HELB: variants seen among roughly 807,000 people sequenced by gnomAD.
The protein encoded by HELB is DNA helicase B.
A neutral mutation model predicts 101.7 loss-of-function variants in HELB; 96 were observed. That is an observed-to-expected ratio of 0.94 (90% CI 0.80 to 1.12). The LOEUF (loss-of-function observed/expected upper bound fraction) is 1.12. Ranked by LOEUF, HELB falls within the 50% of genes most tolerant of loss-of-function variation. HELB has a pLI of 0.00. For synonymous variants in HELB, 437 were observed against 459.7 expected, an observed-to-expected ratio of 0.95 and a Z score of 0.63; for missense variants, 1,210 against 1,291.9, an observed-to-expected ratio of 0.94 and a Z score of 0.97.
chr12:66,318,016 A>G (rs911498385), intron 6 of HELB, among the ~76,000 whole-genome samples: 4 of 152,230 alleles, frequency 2.6e-5, no homozygotes, highest in Non-Finnish European at 5.9e-5. Flanking sequence ...TAAGAATGAA[A>G]GAAGGATGAG....
intron 11 of HELB, among the ~76,000 whole-genome samples, chr12:66,328,081 G>A (rs183851791): frequency 2.6e-5 from 4 of 152,256 alleles, no homozygotes; most frequent in African/African-American, 9.6e-5. Flanking sequence ...GCCACTGTGG[G>A]AGACTGACAG....
chr12:66,335,893 G>C (rs1440030674), intron 12 of HELB, among the ~76,000 whole-genome samples: 1 of 152,146 alleles, frequency 6.6e-6, no homozygotes, highest in Non-Finnish European at 1.5e-5. Flanking sequence ...TTATAATCCA[G>C]CTCAGTTTCT....
intron 6 of HELB, among the ~76,000 whole-genome samples, chr12:66,317,696 G>T (rs2053624693): frequency 1.3e-5 from 2 of 152,122 alleles, no homozygotes; most frequent in Admixed American, 1.3e-4. Context: ...GACTATGAAG[G>T]ATCCCTGCTA....
intron 4 of HELB, among the ~76,000 whole-genome samples, chr12:66,313,206 AATTAG>A (rs1313040006): frequency 1.6e-4 from 24 of 152,114 alleles, no homozygotes; most frequent in African/African-American, 5.5e-4. Context: ...TTAGTAGAAA[AATTAG>A]ATGAAGATGT....
intron 1 of HELB, among the ~76,000 whole-genome samples, chr12:66,304,079 A>C (rs1431387625): frequency 6.6e-6 from 1 of 152,266 alleles, no homozygotes; most frequent in Non-Finnish European, 1.5e-5. Context: ...GTCATTCTAA[A>C]GTATCATCAA....
intron 11 of HELB, 62 bp downstream of exon 11, chr12:66,325,188 G>A: frequency 1.6e-6 from 2 of 1,218,390 alleles, no homozygotes; most frequent in Middle Eastern, 2.2e-4. Context: ...GCCTTGCATT[G>A]TTTTCGTAAA....
At chr12:66,315,506 C>T in intron 6 of HELB, 123 bp downstream of exon 6, 2 of 599,596 alleles carry the variant, frequency 3.3e-6, no homozygotes, top group East Asian at 6.6e-5. Context: ...CTCTTCCATC[C>T]TTCAACTATA....
At chr12:66,315,196 T>G in intron 5 of HELB, 46 bp from the exon 6 acceptor site, 1 of 1,412,316 alleles carries the variant, frequency 7.1e-7, no homozygotes, top group East Asian at 2.5e-5. Context: ...CTTGGGGGTA[T>G]TTTTTCTCAG....
chr12:66,327,414 T>A (rs1164032734), intron 11 of HELB, among the ~76,000 whole-genome samples: 2 of 152,168 alleles, frequency 1.3e-5, no homozygotes, highest in East Asian at 1.9e-4. Flanking sequence ...CCTAAATTTC[T>A]TATCAAACTG....
intron 11 of HELB, among the ~76,000 whole-genome samples, chr12:66,327,409 A>G (rs2053754626): frequency 6.6e-6 from 1 of 152,036 alleles, no homozygotes; most frequent in African/African-American, 2.4e-5. Flanking sequence ...AGTTACCTAA[A>G]TTTCTTATCA....
intron 7 of HELB, chr12:66,321,713 A>G (rs1234846461): frequency 2.4e-6 from 1 of 424,610 alleles, no homozygotes; most frequent in African/African-American, 2.1e-5. Context: ...TGTCCTGGCC[A>G]GGGGTTGACC....
chr12:66,309,919 G>A lies in HELB; in HGVS notation c.991G>A (p.Ala331Thr), dbSNP rs1346255629. The change falls in exon 4 of 13, where the codon GCT (alanine) becomes ACT (threonine). Residue 331 changes from alanine (A) to threonine (T), a missense_variant. By Grantham distance (58) the Ala-to-Thr change is moderately conservative. Around this residue, in one of 2 missense-constraint regions of HELB, gnomAD observed 470 missense variants for 563.1 expected, o/e 0.83. Transcript: ENST00000247815. ...GTCAAATCATATGTCATTTCATGCT[G>A]CTTCAGAGTCTCTGAAGTTTTTGAA... ...TLSNHMSFHA[A>T]SESLKFLKDI... The A allele has an allele frequency of 1.2e-6, 2 of 1,613,906 alleles. No individual in the cohort carries two copies. Among genetic ancestry groups the A allele is most frequent in the African/African-American group, 2.7e-5 (2 of 74,932 alleles).
intron 3 of HELB, among the ~76,000 whole-genome samples, chr12:66,307,787 A>G (rs1483077910): frequency 1.3e-5 from 2 of 150,234 alleles, no homozygotes; most frequent in African/African-American, 4.9e-5. Flanking sequence ...CCTGGAGTGC[A>G]ATGGTGTGAG....
At chr12:66,314,882 GT>G (rs1174537603) in intron 5 of HELB, among the ~76,000 whole-genome samples, 1 of 151,868 alleles carries the variant, frequency 6.6e-6, no homozygotes, top group African/African-American at 2.4e-5. Flanking sequence ...TTATTTATTT[GT>G]TTTATATTTT....
At chr12:66,340,616 G>A (rs1197249197), downstream of HELB, 2 of 183,212 alleles carry the variant, frequency 1.1e-5, no homozygotes, top group Non-Finnish European at 2.2e-5. Flanking sequence ...ATGTGGGGGG[G>A]GGGCGGGGAG....
Position 66,304,797 on chromosome 12 carries a change from C to G in HELB, c.254C>G (p.Ala85Gly), listed in dbSNP as rs756592255. 6 of 1,613,872 alleles carry G rather than the reference C, an allele frequency of 3.7e-6. No individual in the cohort carries two copies. In the East Asian group the frequency reaches 1.3e-4, roughly 36 times the overall value. ...TTTGGACGTTTTCCGATAACAGGTG[C>G]TTGGTGGAGAGTGAAGGTACAAGTA... is the stretch of plus-strand genomic sequence containing the variant. ...KVFGRFPITGAWWRVKVQVKP... is the reference protein window; with the variant it reads ...KVFGRFPITGGWWRVKVQVKP... The change falls in exon 2 of 13, where the codon GCT becomes GGT. Residue 85 changes from alanine to glycine, a missense_variant. Physicochemically the swap from Ala to Gly is moderately conservative, Grantham distance 60. Coordinates refer to ENST00000247815, the MANE Select transcript of HELB (RefSeq NM_001370285.1).
chr12:66,318,445 A>C (rs1383260887), intron 6 of HELB, among the ~76,000 whole-genome samples, 193 bp from the exon 7 acceptor site: 2 of 152,136 alleles, frequency 1.3e-5, no homozygotes, highest in African/African-American at 4.8e-5. Flanking sequence ...GTTATTGCTA[A>C]TGTGTAGTAC....
chr12:66,310,378 A>G lies in HELB; in HGVS notation c.1450A>G (p.Ile484Val), dbSNP rs1327885421. ...SGKGGCGKTT[I>V]VSRLFKHIEQ... ...GAAAGGTGGATGTGGGAAGACCACA[A>G]TCGTTAGCCGTCTTTTTAAGCATAT... Residue 484 changes from isoleucine to valine, a missense_variant, in exon 4 of 13, where the codon ATC (isoleucine) becomes GTC (valine). By Grantham distance (29) the Ile-to-Val change is conservative. Transcript: ENST00000247815. The G allele has an allele frequency of 1.2e-6, 2 of 1,614,238 alleles. No homozygotes were observed. The highest frequency in any genetic ancestry group is 1.3e-5 in the African/African-American group (1 of 75,062).
rs773830259 is a variant in HELB, at chr12:66,314,004, T to A, written c.1699T>A (p.Ser567Thr). Residue 567 changes from serine (S) to threonine (T), a missense_variant, in exon 5 of 13, where the codon TCA becomes ACA. Around this residue, in one of 2 missense-constraint regions of HELB, gnomAD observed 740 missense variants for 728.8 expected, o/e 1.02. Coordinates refer to ENST00000247815, the MANE Select transcript of HELB (RefSeq NM_001370285.1). ...CTTGTAGGTCAATTATAGCTTCTAT[T>A]CATGGACTCAAACAATGATGACCAC... ...TLCQVNYSFYSWTQTMMTTNK... is the reference protein window; with the variant it reads ...TLCQVNYSFYTWTQTMMTTNK... The A allele has an allele frequency of 1.9e-6, 3 of 1,613,774 alleles. No individual in the cohort carries two copies. The South Asian group carries it at 3.3e-5, about 18-fold the overall frequency.
Sources: gnomAD v4.1 joint callset for allele counts (sites outside exome capture counted in the v4.1 genomes callset) on GRCh38, gnomAD v4.1.1 for gene constraint, gnomAD v4.1.1 regional missense constraint, MANE v1.5 for transcripts, NCBI Gene and HGNC (gene_info 2026-07-23, HGNC 2026-07-21) for gene names.